EXOC6B: variants seen among roughly 807,000 people sequenced by gnomAD.
EXOC6B encodes the protein SEC15 homolog B.
Under a neutral mutation model 113.5 loss-of-function variants are expected in EXOC6B, and 54 were observed. That is an observed-to-expected ratio of 0.48 (90% CI 0.38 to 0.60). The LOEUF is 0.60. EXOC6B is among the 20% of genes least tolerant of loss of function. EXOC6B has a pLI of 0.00. For missense variants in EXOC6B, 797 were observed against 977.5 expected (o/e 0.82, Z 2.46); for synonymous variants, 357 against 339.0 (o/e 1.05, Z -0.58).
At chr2:72,528,344 C>A in intron 8 of EXOC6B, among the ~76,000 whole-genome samples, 1 of 151,996 alleles carries the variant, frequency 6.6e-6, no homozygotes, top group East Asian at 1.9e-4. Context: ...TTATTTTTGT[C>A]TAATATTTTT....
chr2:72,187,287 G>C (rs1678501542), intron 20 of EXOC6B, among the ~76,000 whole-genome samples: 1 of 151,988 alleles, frequency 6.6e-6, no homozygotes, highest in African/African-American at 2.4e-5. Context: ...AAGGGCTGCA[G>C]CTCTTCTCTC....
intron 8 of EXOC6B, among the ~76,000 whole-genome samples, chr2:72,516,310 C>T (rs1212272100): frequency 6.6e-6 from 1 of 152,066 alleles, no homozygotes; most frequent in Middle Eastern, 3.2e-3. Context: ...TGCAGTGGCA[C>T]AGTCTCGGCT....
intron 6 of EXOC6B, among the ~76,000 whole-genome samples, chr2:72,621,419 C>G (rs1198389051): frequency 1.3e-5 from 2 of 152,078 alleles, no homozygotes; most frequent in African/African-American, 4.8e-5. Context: ...AAACCAAATA[C>G]TGCATGTTCT....
chr2:72,587,927 G>T (rs1398689512), intron 6 of EXOC6B, among the ~76,000 whole-genome samples: 1 of 151,608 alleles, frequency 6.6e-6, no homozygotes, highest in Non-Finnish European at 1.5e-5. Flanking sequence ...ACAAAAATAT[G>T]AACAGATGTC....
chr2:72,486,692 GA>G (rs2105516035), intron 16 of EXOC6B, among the ~76,000 whole-genome samples: 1 of 152,232 alleles, frequency 6.6e-6, no homozygotes, highest in East Asian at 1.9e-4. Context: ...TACCAGAGGT[GA>G]ACTTGACACT....
At chr2:72,276,972 C>CT (rs1202761174) in intron 20 of EXOC6B, among the ~76,000 whole-genome samples, 4 of 152,150 alleles carry the variant, frequency 2.6e-5, no homozygotes, top group Non-Finnish European at 5.9e-5. Context: ...AATTTCTATA[C>CT]TGTTCACTCA....
chr2:72,622,678 C>G (rs1357073760), intron 6 of EXOC6B, among the ~76,000 whole-genome samples: 5 of 151,846 alleles, frequency 3.3e-5, no homozygotes, highest in African/African-American at 1.2e-4. Context: ...CCACTGCACT[C>G]CAGCCTGGGT....
intron 20 of EXOC6B, among the ~76,000 whole-genome samples, chr2:72,248,002 T>C (rs1682775531): frequency 6.6e-6 from 1 of 152,162 alleles, no homozygotes; most frequent in African/African-American, 2.4e-5. Flanking sequence ...CCAAAGATTC[T>C]ATAATAATAT....
chr2:72,185,744 T>C (rs1249725401), intron 20 of EXOC6B, among the ~76,000 whole-genome samples: 3 of 151,756 alleles, frequency 2.0e-5, no homozygotes, highest in Non-Finnish European at 4.4e-5. Flanking sequence ...TTCTTTCTTT[T>C]TTTTTTTTTT....
intron 20 of EXOC6B, among the ~76,000 whole-genome samples, chr2:72,294,186 T>A (rs60235267): frequency 0.012 from 1,846 of 151,890 alleles, 48 homozygotes; most frequent in African/African-American, 0.042. Context: ...ATGGCTTTCA[T>A]AAGAATTCGG....
intron 13 of EXOC6B, among the ~76,000 whole-genome samples, chr2:72,496,970 A>C (rs988106323): frequency 6.8e-6 from 1 of 146,728 alleles, no homozygotes; most frequent in Non-Finnish European, 1.5e-5. Flanking sequence ...TATTATTATT[A>C]TTATTATTAT....
intron 19 of EXOC6B, among the ~76,000 whole-genome samples, chr2:72,345,573 A>T (rs937519097): frequency 2.6e-5 from 4 of 152,212 alleles, no homozygotes; most frequent in African/African-American, 9.6e-5. Flanking sequence ...GACAGAAGCC[A>T]ATCAAAAAAG....
chr2:72,211,389 T>C (rs1680177537), intron 20 of EXOC6B, among the ~76,000 whole-genome samples: 1 of 152,224 alleles, frequency 6.6e-6, no homozygotes, highest in Admixed American at 6.5e-5. Context: ...GCTAGAGCTG[T>C]ACTGTCAGGC....
intron 1 of EXOC6B, among the ~76,000 whole-genome samples, chr2:72,819,737 C>T (rs891114901): frequency 3.9e-5 from 6 of 152,042 alleles, no homozygotes; most frequent in Non-Finnish European, 7.4e-5. Context: ...ACCCCATCTA[C>T]ATTGGAGGAA....
At chr2:72,721,722 C>T (rs1459033146) in intron 5 of EXOC6B, 3 of 151,778 alleles carry the variant, frequency 2.0e-5, no homozygotes, top group Non-Finnish European at 4.4e-5. Flanking sequence ...ACCTAGATGT[C>T]TAATAAGAAG....
intron 18 of EXOC6B, among the ~76,000 whole-genome samples, chr2:72,450,726 T>A (rs1391040666): frequency 2.6e-5 from 4 of 152,224 alleles, no homozygotes; most frequent in Non-Finnish European, 5.9e-5. Flanking sequence ...CATTCAGTGA[T>A]CTTCCCTCAA....
At chr2:72,574,111 CA>C (rs11364486) in intron 7 of EXOC6B, among the ~76,000 whole-genome samples, 89,470 of 110,358 alleles carry the variant, frequency 0.81, 35,542 homozygotes, top group East Asian at 0.95. Context: ...GACTCCATCG[CA>C]AAAAAAAAAA....
chr2:72,812,872 A>G (rs1559023071), intron 1 of EXOC6B, among the ~76,000 whole-genome samples: 1 of 152,188 alleles, frequency 6.6e-6, no homozygotes, highest in Non-Finnish European at 1.5e-5. Flanking sequence ...GGCCTGCTCC[A>G]TACAAGGAAA....
chr2:72,450,315 A>G (rs978671463), intron 18 of EXOC6B, among the ~76,000 whole-genome samples: 107 of 152,328 alleles, frequency 7.0e-4, no homozygotes, highest in African/African-American at 2.6e-3. Context: ...GACTAAAAGC[A>G]TTTAAGCCAA....
Sources: gnomAD v4.1 joint callset for allele counts (sites outside exome capture counted in the v4.1 genomes callset) on GRCh38, gnomAD v4.1.1 for gene constraint, MANE v1.5 for transcripts, NCBI Gene and HGNC (gene_info 2026-07-23, HGNC 2026-07-21) for gene names.